The following KDM4C variants were observed in gnomAD, a reference collection of about 807,000 sequenced individuals.
The protein encoded by KDM4C is lysine demethylase 4C, also known as lysine-specific demethylase 4C.
Under a neutral mutation model 129.3 loss-of-function variants are expected in KDM4C, and 81 were observed. The observed-to-expected ratio is 0.63, with a 90% CI of 0.52 to 0.75. The LOEUF (loss-of-function observed/expected upper bound fraction) is 0.75. Among genes scored for constraint, KDM4C ranks in the 30% least tolerant of loss-of-function variants. The pLI is 0.00. For synonymous variants in KDM4C, 573 were observed against 456.1 expected, an observed-to-expected ratio of 1.26 and a Z score of -3.26; for missense variants, 1,457 against 1,304.0, an observed-to-expected ratio of 1.12 and a Z score of -1.81.
intron 3 of KDM4C, among the ~76,000 whole-genome samples, chr9:6,809,573 A>G (rs1041193012): frequency 2.6e-5 from 4 of 152,252 alleles, no homozygotes; most frequent in African/African-American, 9.6e-5. Context: ...TGAGGTTTCA[A>G]AGGAATACAA....
intron 15 of KDM4C, among the ~76,000 whole-genome samples, chr9:7,024,030 A>C (rs527646484): frequency 6.6e-6 from 1 of 152,316 alleles, no homozygotes; most frequent in Admixed American, 6.5e-5. Context: ...GAACGTTTGA[A>C]GACAAGTTTT....
intron 8 of KDM4C, among the ~76,000 whole-genome samples, chr9:6,929,099 T>G (rs1823178371): frequency 6.6e-6 from 1 of 152,262 alleles, no homozygotes; most frequent in Non-Finnish European, 1.5e-5. Flanking sequence ...CTTCCTCTTT[T>G]GTGAAGATTT....
At chr9:7,143,993 A>G (rs1020825421) in intron 19 of KDM4C, among the ~76,000 whole-genome samples, 4 of 152,238 alleles carry the variant, frequency 2.6e-5, no homozygotes. Flanking sequence ...AAGTATTTCT[A>G]GAATGGCATT....
intron 19 of KDM4C, among the ~76,000 whole-genome samples, chr9:7,146,092 C>T (rs952563098): frequency 6.6e-6 from 1 of 152,166 alleles, no homozygotes; most frequent in African/African-American, 2.4e-5. Flanking sequence ...CCATTAAAAT[C>T]ATGTTTTCAA....
chr9:7,088,941 A>C (rs1235909414), intron 17 of KDM4C, among the ~76,000 whole-genome samples: 7 of 152,176 alleles, frequency 4.6e-5, no homozygotes, highest in Non-Finnish European at 8.8e-5. Flanking sequence ...GAAAGCCGAT[A>C]TTTTGTCCAG....
chr9:6,794,603 C>T (rs1373859179), intron 2 of KDM4C, among the ~76,000 whole-genome samples: 4 of 152,188 alleles, frequency 2.6e-5, no homozygotes, highest in Admixed American at 2.0e-4. Context: ...AAATAAAGCA[C>T]CTTGTCTGGG....
chr9:7,071,113 T>C (rs146429658), intron 17 of KDM4C, among the ~76,000 whole-genome samples: 1,794 of 152,216 alleles, frequency 0.012, 43 homozygotes, highest in African/African-American at 0.04. Context: ...AAAGCATATA[T>C]GCAAAATCTG....
intron 1 of KDM4C, among the ~76,000 whole-genome samples, chr9:6,778,040 C>A (rs1196939088): frequency 6.6e-6 from 1 of 151,598 alleles, no homozygotes; most frequent in Non-Finnish European, 1.5e-5. Context: ...CCTGCCTCAG[C>A]CTCCTGAGTG....
chr9:6,961,366 T>A (rs1455930852), intron 8 of KDM4C, among the ~76,000 whole-genome samples: 3 of 152,158 alleles, frequency 2.0e-5, no homozygotes. Flanking sequence ...ATGGCTTGCA[T>A]GCATATATAG....
intron 8 of KDM4C, among the ~76,000 whole-genome samples, chr9:6,914,490 T>C (rs975917592): frequency 6.6e-6 from 1 of 152,224 alleles, no homozygotes; most frequent in Non-Finnish European, 1.5e-5. Flanking sequence ...TCAGTGCTTA[T>C]AATGAGGGGT....
chr9:6,740,663 C>T (rs560791959), intron 1 of KDM4C, among the ~76,000 whole-genome samples: 21 of 152,092 alleles, frequency 1.4e-4, no homozygotes, highest in African/African-American at 4.1e-4. Context: ...GGATTACAGG[C>T]GCGCGCCACC....
rs35373004 is a variant in KDM4C, at chr9:6,885,620, CAAA to C, written c.680-2328_680-2326del. Among the ~76,000 whole-genome samples the C allele has an allele frequency of 8.9e-4, 121 of 135,806 alleles. 1 individual carries two copies. Among genetic ancestry groups the C allele is most frequent in the Admixed American group, 3.2e-3 (42 of 12,994 alleles). 89.1% of individuals were successfully genotyped at this position (135,806 alleles called of 152,430 possible). A position where few individuals can be genotyped will look rare whatever the true frequency, so the allele number is the denominator to read the frequency against. ...ATCCTGTATAATATCTTAAAAAAGA[CAAA>C]AAAAAAAAAAAGGCAGTTGACTTTA... On this transcript the variant is annotated intron_variant, in intron 6 of 21. Transcript: ENST00000381309.
At position 6,986,331 on chromosome 9, in the gene KDM4C, G is replaced by A. The variant is rs770404584; in HGVS notation, c.1355-13G>A. The stretch of plus-strand genomic sequence containing the variant: ...GTGCATGATTTATTAACAGTCTTCT[G>A]TTTTATCCTCAGGAAACAGCTGCTT... On this transcript the variant is annotated splice_polypyrimidine_tract_variant and intron_variant, in intron 10 of 21. Coordinates refer to ENST00000381309, the MANE Select transcript of KDM4C (RefSeq NM_015061.6). 5.0e-6 allele frequency: 8 copies of A among 1,585,446 alleles called. No homozygotes were observed. The highest frequency in any genetic ancestry group is 6.0e-6 in the Non-Finnish European group (7 of 1,158,990).
intron 4 of KDM4C, among the ~76,000 whole-genome samples, chr9:6,822,539 C>G (rs749712105): frequency 5.9e-5 from 9 of 152,084 alleles, no homozygotes; most frequent in Non-Finnish European, 1.2e-4. Flanking sequence ...CTGAGTAAGT[C>G]CTAGATGATT....
At chr9:7,000,910 T>G (rs1023014264) in intron 12 of KDM4C, among the ~76,000 whole-genome samples, 1 of 152,228 alleles carries the variant, frequency 6.6e-6, no homozygotes, top group African/African-American at 2.4e-5. Flanking sequence ...AATTTTAATA[T>G]TGTGGTGACT....
At chr9:7,020,531 A>G (rs561755440) in intron 15 of KDM4C, among the ~76,000 whole-genome samples, 4 of 152,302 alleles carry the variant, frequency 2.6e-5, no homozygotes, top group East Asian at 1.9e-4. Context: ...CCTTTGTTAT[A>G]TAATCATTTT....
intron 1 of KDM4C, among the ~76,000 whole-genome samples, chr9:6,731,817 C>G (rs1817346619): frequency 6.6e-6 from 1 of 152,146 alleles, no homozygotes. Flanking sequence ...TTTTGGGTTT[C>G]TGGCCTCAGT....
chr9:6,897,263 T>G (rs1471710842), intron 8 of KDM4C, among the ~76,000 whole-genome samples: 1 of 152,016 alleles, frequency 6.6e-6, no homozygotes, highest in Non-Finnish European at 1.5e-5. Context: ...GAGGAGAGAG[T>G]GAAGGGACAT....
chr9:6,862,958 CTTA>C (rs1441248532), intron 5 of KDM4C, among the ~76,000 whole-genome samples: 7 of 152,102 alleles, frequency 4.6e-5, no homozygotes, highest in Non-Finnish European at 1.0e-4. Context: ...GCCACTTTAT[CTTA>C]TTCATGGATG....
Sources: gnomAD v4.1 joint callset for allele counts (sites outside exome capture counted in the v4.1 genomes callset) on GRCh38, gnomAD v4.1.1 for gene constraint, MANE v1.5 for transcripts, NCBI Gene and HGNC (gene_info 2026-07-23, HGNC 2026-07-21) for gene names.